PSPC1: variants seen among roughly 807,000 people sequenced by gnomAD.
PSPC1 encodes the protein paraspeckle protein 1.
PSPC1 carries 14 observed loss-of-function variants against 51.6 expected under a neutral mutation model. The ratio of observed to expected loss-of-function variants is 0.27; its 90% CI spans 0.18 to 0.42. The LOEUF (loss-of-function observed/expected upper bound fraction) is 0.42, where lower values mean the gene tolerates loss of function less well. Ranked by LOEUF, PSPC1 falls within the 10% of genes least tolerant of loss-of-function variation. The pLI, the probability that PSPC1 is intolerant of heterozygous loss-of-function variation, is 1.00. For missense variants in PSPC1, 406 were observed against 701.1 expected (o/e 0.58, Z 4.75); for synonymous variants, 193 against 231.9 (o/e 0.83, Z 1.53).
intron 3 of PSPC1, among the ~76,000 whole-genome samples, chr13:19,752,642 AT>A (rs1290200540): frequency 6.6e-6 from 1 of 151,648 alleles, no homozygotes; most frequent in Non-Finnish European, 1.5e-5. Flanking sequence ...CTGGAGTGCA[AT>A]GGTATAATCT....
At chr13:19,672,075 A>G (rs1050184377), downstream of PSPC1, 19 of 579,474 alleles carry the variant, frequency 3.3e-5, no homozygotes, top group Middle Eastern at 3.7e-4. Context: ...TGCAGTGTCC[A>G]GACTGCGTAT....
chr13:19,772,172 A>G, intron 2 of PSPC1, 70 bp downstream of exon 2: 8 of 1,499,268 alleles, frequency 5.3e-6, no homozygotes, highest in Non-Finnish European at 7.2e-6. Flanking sequence ...GCAATGAAAG[A>G]CAGAATTCCA....
At chr13:19,699,928 CACTT>C (rs1879700756), downstream of PSPC1, among the ~76,000 whole-genome samples, 1 of 152,088 alleles carries the variant, frequency 6.6e-6, no homozygotes, top group African/African-American at 2.4e-5. Flanking sequence ...CTACAGAAAA[CACTT>C]AAATAATACC....
chr13:19,754,423 T>C (rs1886867903), intron 3 of PSPC1, among the ~76,000 whole-genome samples: 2 of 150,796 alleles, frequency 1.3e-5, no homozygotes, highest in South Asian at 4.2e-4. Flanking sequence ...TCTAAATCTT[T>C]AGTAATAAAA....
intron 6 of PSPC1, among the ~76,000 whole-genome samples, chr13:19,688,000 A>G (rs970449792): frequency 2.6e-5 from 4 of 151,960 alleles, no homozygotes; most frequent in South Asian, 2.1e-4. Flanking sequence ...CTCTGATCGT[A>G]TCTACTCCCC....
chr13:19,693,717 G>C (rs1475501066), intron 6 of PSPC1, among the ~76,000 whole-genome samples: 1 of 152,180 alleles, frequency 6.6e-6, no homozygotes, highest in Non-Finnish European at 1.5e-5. Flanking sequence ...AACTTGATGT[G>C]TACGATTTCT....
chr13:19,753,794 T>C (rs1160249246), intron 3 of PSPC1, among the ~76,000 whole-genome samples: 1 of 151,846 alleles, frequency 6.6e-6, no homozygotes, highest in East Asian at 1.9e-4. Context: ...TGAAGAAAAA[T>C]CAAAGACAGC....
At chr13:19,676,064 G>C (rs1876596112) in intron 7 of PSPC1, among the ~76,000 whole-genome samples, 1 of 152,128 alleles carries the variant, frequency 6.6e-6, no homozygotes, top group South Asian at 2.1e-4. Flanking sequence ...AAATCTACCT[G>C]ATAAGCTTAT....
At chr13:19,705,423 G>A (rs1159707089) in intron 8 of PSPC1, among the ~76,000 whole-genome samples, 1 of 151,866 alleles carries the variant, frequency 6.6e-6, no homozygotes, top group Non-Finnish European at 1.5e-5. Flanking sequence ...AACCTAGAAG[G>A]TGGAGGTTGC....
Position 19,782,792 on chromosome 13 carries a change from C to G in PSPC1, c.-35G>C. 1 of 1,508,312 alleles carries G rather than the reference C, an allele frequency of 6.6e-7. No individual in the cohort carries two copies. Among genetic ancestry groups the G allele is most frequent in the Non-Finnish European group, 8.7e-7 (1 of 1,146,310 alleles). The allele number at this position is 1,508,312 out of a possible 1,614,324, so 93.4% of individuals were successfully genotyped here. ...TTCGCCTCGGACACCGGATACAGGC[C>G]TAGATTTATAGACAGTGTGTCTATA... On this transcript the variant is annotated 5_prime_UTR_variant, in exon 1 of 9. Coordinates refer to ENST00000338910, the MANE Select transcript of PSPC1 (RefSeq NM_001354909.2). The surrounding 1 kb of genome is among the most constrained non-coding windows in gnomAD (Gnocchi z 4.5).
chr13:19,769,032 C>T (rs1307545744), intron 2 of PSPC1, among the ~76,000 whole-genome samples: 4 of 150,524 alleles, frequency 2.7e-5, no homozygotes, highest in South Asian at 4.2e-4. Flanking sequence ...CCCAGCTACT[C>T]AGGAGGCTGA....
chr13:19,714,149 CAG>C (rs1417099061), intron 6 of PSPC1, among the ~76,000 whole-genome samples: 1 of 152,142 alleles, frequency 6.6e-6, no homozygotes, highest in African/African-American at 2.4e-5. Flanking sequence ...CACAATAAAA[CAG>C]GATTTGTCCA....
At chr13:19,686,907 A>G (rs1309752041) in intron 6 of PSPC1, among the ~76,000 whole-genome samples, 1 of 152,158 alleles carries the variant, frequency 6.6e-6, no homozygotes, top group Non-Finnish European at 1.5e-5. Flanking sequence ...GAATATAGCC[A>G]TCTTTAGGGG....
At chr13:19,694,384 G>T (rs1350972119) in intron 6 of PSPC1, among the ~76,000 whole-genome samples, 1 of 151,858 alleles carries the variant, frequency 6.6e-6, no homozygotes, top group Non-Finnish European at 1.5e-5. Context: ...CTTCCTAGAA[G>T]CCACATTAAA....
downstream of PSPC1, chr13:19,671,339 A>G: frequency 6.6e-7 from 1 of 1,521,446 alleles, no homozygotes; most frequent in Non-Finnish European, 9.1e-7. Flanking sequence ...TTGTTGCTCC[A>G]GATTACTTTA....
At chr13:19,779,359 G>T (rs1248753172) in intron 1 of PSPC1, among the ~76,000 whole-genome samples, 2 of 106,306 alleles carry the variant, frequency 1.9e-5, no homozygotes, top group Non-Finnish European at 4.0e-5. Context: ...CCGGCCAGCC[G>T]TGCCGTCCGG....
At chr13:19,740,053 A>C (rs1791135170) in intron 5 of PSPC1, among the ~76,000 whole-genome samples, 1 of 151,782 alleles carries the variant, frequency 6.6e-6, no homozygotes, top group Admixed American at 6.6e-5. Context: ...TGATTTAAGA[A>C]TGAATTGGGG....
intron 6 of PSPC1, among the ~76,000 whole-genome samples, chr13:19,713,813 A>G (rs1039860503): frequency 7.2e-5 from 11 of 152,156 alleles, no homozygotes; most frequent in Non-Finnish European, 1.0e-4. Flanking sequence ...GAGTACACTA[A>G]GAGTCCCCAA....
chr13:19,717,875 T>TA (rs35726784), intron 6 of PSPC1, among the ~76,000 whole-genome samples: 19,340 of 137,932 alleles, frequency 0.14, 1,337 homozygotes, highest in Middle Eastern at 0.18. Context: ...GACTCCACTT[T>TA]AAAAAAAAAA....
Sources: gnomAD v4.1 joint callset for allele counts (sites outside exome capture counted in the v4.1 genomes callset) on GRCh38, gnomAD v4.1.1 for gene constraint, Gnocchi (gnomAD v3.1) non-coding constraint, MANE v1.5 for transcripts, NCBI Gene and HGNC (gene_info 2026-07-23, HGNC 2026-07-21) for gene names.